The following ZMIZ1 variants were observed in gnomAD, a reference collection of about 807,000 sequenced individuals.
The protein encoded by ZMIZ1 is zinc finger MIZ-type containing 1.
A neutral mutation model predicts 113.9 loss-of-function variants in ZMIZ1; 17 were observed. That is an observed-to-expected ratio of 0.15 (90% CI 0.10 to 0.22). ZMIZ1 has a LOEUF of 0.22. Among genes scored for constraint, ZMIZ1 ranks in the 10% least tolerant of loss-of-function variants. ZMIZ1 has a pLI of 1.00. For missense variants in ZMIZ1, 1,059 were observed against 1,477.8 expected, an observed-to-expected ratio of 0.72 and a Z score of 4.65; for synonymous variants, 607 against 603.1, an observed-to-expected ratio of 1.01 and a Z score of -0.09.
intron 4 of ZMIZ1, among the ~76,000 whole-genome samples, chr10:79,182,011 A>T (rs186726801): frequency 6.6e-6 from 1 of 152,308 alleles, no homozygotes; most frequent in East Asian, 1.9e-4. Context: ...CCCAGTGCCA[A>T]GCTGGAGAGA....
At chr10:79,113,767 C>G (rs1046829178) in intron 1 of ZMIZ1, among the ~76,000 whole-genome samples, 6 of 151,972 alleles carry the variant, frequency 3.9e-5, no homozygotes, top group Non-Finnish European at 1.5e-5. Context: ...CTACTCTGGC[C>G]AAGGCTGCCC....
At chr10:79,132,351 TTTTC>T (rs1181042934) in intron 2 of ZMIZ1, among the ~76,000 whole-genome samples, 2 of 83,344 alleles carry the variant, frequency 2.4e-5, no homozygotes, top group Non-Finnish European at 5.3e-5. Context: ...ATCACCAGCC[TTTTC>T]GGCCGGGCTT....
At chr10:79,165,361 A>G (rs923959029) in intron 4 of ZMIZ1, among the ~76,000 whole-genome samples, 1 of 152,132 alleles carries the variant, frequency 6.6e-6, no homozygotes, top group Non-Finnish European at 1.5e-5. Flanking sequence ...TTCCTTGCCC[A>G]GAGACCCAGG....
At chr10:79,143,710 G>C (rs1238016746) in intron 3 of ZMIZ1, among the ~76,000 whole-genome samples, 5 of 151,960 alleles carry the variant, frequency 3.3e-5, no homozygotes, top group African/African-American at 1.2e-4. Context: ...GCCTTGACTT[G>C]GTCAGGAACG....
intron 7 of ZMIZ1, among the ~76,000 whole-genome samples, chr10:79,250,334 G>T (rs1423063355): frequency 1.3e-5 from 2 of 152,190 alleles, no homozygotes; most frequent in African/African-American, 4.8e-5. Flanking sequence ...GTGGAGGGTG[G>T]TGCCATCTGG....
intron 2 of ZMIZ1, among the ~76,000 whole-genome samples, chr10:79,131,025 G>C (rs916519214): frequency 1.3e-5 from 2 of 152,200 alleles, no homozygotes; most frequent in African/African-American, 4.8e-5. Context: ...CAGGAAGCCA[G>C]CCTGCCCTAG....
chr10:79,164,972 G>A (rs769244223), intron 4 of ZMIZ1, among the ~76,000 whole-genome samples: 8 of 152,168 alleles, frequency 5.3e-5, no homozygotes, highest in Admixed American at 1.3e-4. Flanking sequence ...CCTGCTCCCC[G>A]CTGACTGGCC....
At chr10:79,311,285 G>C in intron 24 of ZMIZ1, 101 bp downstream of exon 24, 1 of 1,406,530 alleles carries the variant, frequency 7.1e-7, no homozygotes, top group Admixed American at 2.4e-5. Flanking sequence ...CCCGAAGGGA[G>C]GAGGTGGGTG....
chr10:79,194,358 G>T (rs778766549), intron 4 of ZMIZ1, among the ~76,000 whole-genome samples: 1 of 152,378 alleles, frequency 6.6e-6, no homozygotes, highest in East Asian at 1.9e-4. Flanking sequence ...CTCTGGGTGC[G>T]TGTGCATTAT....
intron 1 of ZMIZ1, among the ~76,000 whole-genome samples, chr10:79,108,697 T>C (rs1024539163): frequency 6.6e-6 from 1 of 152,106 alleles, no homozygotes; most frequent in Admixed American, 6.5e-5. Flanking sequence ...TGAGGTTGGC[T>C]GCTTCTCTGT....
intron 5 of ZMIZ1, among the ~76,000 whole-genome samples, chr10:79,206,333 G>A (rs1848317551): frequency 2.0e-5 from 3 of 152,208 alleles, no homozygotes; most frequent in Non-Finnish European, 4.4e-5. Flanking sequence ...CCAGCTGGGG[G>A]CAGGCAGCTC....
At chr10:79,287,212 T>A (rs1173470665) in intron 8 of ZMIZ1, among the ~76,000 whole-genome samples, 1 of 152,208 alleles carries the variant, frequency 6.6e-6, no homozygotes, top group Admixed American at 6.5e-5. Flanking sequence ...CAGAGGCTGT[T>A]CCAGCCCAGC....
chr10:79,128,164 G>C (rs988603427), intron 2 of ZMIZ1, among the ~76,000 whole-genome samples: 2 of 152,092 alleles, frequency 1.3e-5, no homozygotes, highest in Non-Finnish European at 2.9e-5. Context: ...TTTCTCCCTG[G>C]GTGCAGTACC....
intron 3 of ZMIZ1, among the ~76,000 whole-genome samples, chr10:79,159,493 G>A (rs555125527): frequency 8.5e-5 from 13 of 152,318 alleles, no homozygotes; most frequent in Non-Finnish European, 1.5e-4. Context: ...GCCGCATAGC[G>A]GGCAGACTGT....
intron 3 of ZMIZ1, among the ~76,000 whole-genome samples, chr10:79,161,701 A>G (rs991587041): frequency 6.6e-6 from 1 of 152,206 alleles, no homozygotes; most frequent in African/African-American, 2.4e-5. Context: ...AGGGATCACT[A>G]TCACATCAGC....
intron 4 of ZMIZ1, among the ~76,000 whole-genome samples, chr10:79,182,910 C>G (rs943595370): frequency 6.6e-6 from 1 of 152,236 alleles, no homozygotes; most frequent in Non-Finnish European, 1.5e-5. Context: ...GTAGGTGTTT[C>G]AAGGCCCTGC....
chr10:79,158,010 T>C (rs953214750), intron 3 of ZMIZ1, among the ~76,000 whole-genome samples: 2 of 152,200 alleles, frequency 1.3e-5, no homozygotes, highest in Admixed American at 1.3e-4. Context: ...TTCCGCCAGC[T>C]TGGCCAGGGG....
intron 3 of ZMIZ1, among the ~76,000 whole-genome samples, chr10:79,157,712 G>A (rs1845958621): frequency 6.6e-6 from 1 of 152,192 alleles, no homozygotes; most frequent in African/African-American, 2.4e-5. Context: ...TGAGGTCAGG[G>A]AACAGGTATT....
At chr10:79,172,926 A>G (rs982958093) in intron 4 of ZMIZ1, among the ~76,000 whole-genome samples, 3 of 152,214 alleles carry the variant, frequency 2.0e-5, no homozygotes, top group Non-Finnish European at 2.9e-5. Context: ...GGTGCCCAGC[A>G]GTTTGATAAT....
Sources: allele counts gnomAD v4.1 joint callset (sites outside exome capture counted in the v4.1 genomes callset), GRCh38; gene constraint gnomAD v4.1.1; transcripts MANE v1.5; gene names NCBI Gene and HGNC (gene_info 2026-07-23, HGNC 2026-07-21).